FARP2: variants seen among roughly 807,000 people sequenced by gnomAD.
FARP2 encodes FERM, ARHGEF and pleckstrin domain-containing protein 2.
Under a neutral mutation model 130.5 loss-of-function variants are expected in FARP2, and 111 were observed. The observed-to-expected ratio is 0.85, with a 90% CI of 0.73 to 1.00. The LOEUF is 1.00. Among genes scored for constraint, FARP2 ranks in the 50% least tolerant of loss-of-function variants. The probability of loss-of-function intolerance (pLI) is 0.00; values close to 1 mark genes in which losing one functional copy is unlikely to be tolerated. For missense variants in FARP2, 1,385 were observed against 1,346.3 expected (o/e 1.03, Z -0.45); for synonymous variants, 504 against 516.9 (o/e 0.98, Z 0.34).
At chr2:241,441,762 C>A (rs1167679727) in intron 13 of FARP2, 3 of 720,154 alleles carry the variant, frequency 4.2e-6, no homozygotes, top group African/African-American at 3.6e-5. Flanking sequence ...GTGGGGGGGC[C>A]CCTGCTTTCA....
At position 241,456,867 on chromosome 2, in the gene FARP2, C is replaced by T; in HGVS notation, c.1532C>T (p.Pro511Leu). Reference protein sequence around the residue: ...AEQGSSPLLSPVLSDAGGAGM... With the variant: ...AEQGSSPLLSLVLSDAGGAGM... ...CAGGGCTCATCCCCACTCCTGAGCC[C>T]TGTCCTCAGTGATGCTGGCGGAGCC... Residue 511 changes from proline to leucine, a missense_variant, in exon 14 of 27, where the codon CCT (proline) becomes CTT (leucine). Transcript: ENST00000264042. 1 of 1,613,254 alleles carries T rather than the reference C, an allele frequency of 6.2e-7. No homozygotes were observed. Among genetic ancestry groups the T allele is most frequent in the Non-Finnish European group, 8.5e-7 (1 of 1,179,662 alleles).
At chr2:241,368,720 C>G (rs1201082318) in intron 1 of FARP2, among the ~76,000 whole-genome samples, 2 of 152,094 alleles carry the variant, frequency 1.3e-5, no homozygotes, top group East Asian at 1.9e-4. Context: ...GATCCTCCCA[C>G]CTCAGTCTCC....
chr2:241,462,644 T>C lies in FARP2; in HGVS notation c.1677+32T>C, dbSNP rs564892112. On this transcript the variant is annotated intron_variant, in intron 15 of 26. Coordinates refer to ENST00000264042, the MANE Select transcript of FARP2 (RefSeq NM_014808.4). ...AAGTCCTTGATTACTTTGATTTTTT[T>C]TTAAAATAAATCTCTCATCTGAACA... is the stretch of plus-strand genomic sequence containing the variant. The C allele has an allele frequency of 2.8e-6, 4 of 1,413,354 alleles. No individual in the cohort carries two copies. The South Asian group carries it at 4.6e-5, about 16-fold the overall frequency. The allele number at this position is 1,413,354 out of a possible 1,614,324, so 87.6% of individuals were successfully genotyped here. A position where few individuals can be genotyped will look rare whatever the true frequency, so the allele number is the denominator to read the frequency against.
intron 1 of FARP2, among the ~76,000 whole-genome samples, chr2:241,362,369 T>A (rs2061207510): frequency 6.6e-6 from 1 of 152,016 alleles, no homozygotes; most frequent in South Asian, 2.1e-4. Context: ...TCTGGGAGGC[T>A]GAGGTGGGCA....
intron 2 of FARP2, among the ~76,000 whole-genome samples, chr2:241,384,160 T>C (rs1249474155): frequency 1.3e-5 from 2 of 151,922 alleles, no homozygotes; most frequent in East Asian, 3.9e-4. Context: ...TAAACTGTCA[T>C]CAGTCTTCGA....
intron 18 of FARP2, among the ~76,000 whole-genome samples, chr2:241,472,999 G>A (rs1010509959): frequency 1.3e-5 from 2 of 151,700 alleles, no homozygotes; most frequent in Admixed American, 6.6e-5. Flanking sequence ...CTGTTCTGAG[G>A]GGGCTGCTGC....
rs1157990006 is a variant in FARP2, at chr2:241,490,058, A to G, written c.2504+14A>G. 1.3e-6 allele frequency: 2 copies of G among 1,599,964 alleles called. No individual in the cohort carries two copies. The highest frequency in any genetic ancestry group is 4.5e-5 in the East Asian group (2 of 44,804). On this transcript the variant is annotated intron_variant, in intron 22 of 26. Transcript: ENST00000264042. ...GGTGGCAGCCAGGTAAGGGTCTTCC[A>G]TGTCTCCATCCTGAGCAGCCCTGGA...
rs192081293 is a variant in FARP2 at position 241,431,846 on chromosome 2, G to C, written c.867+72G>C. On this transcript the variant is annotated intron_variant, in intron 9 of 26. Coordinates refer to ENST00000264042, the MANE Select transcript of FARP2 (RefSeq NM_014808.4). ...TATTTATTTATTTTTTTGAGACGGA[G>C]TTTCGCTCTTGTTGCCCAGGCTGGA... 2,156 of 483,272 alleles carry C rather than the reference G, an allele frequency of 4.5e-3. 9 individuals carry two copies. The highest frequency in any genetic ancestry group is 5.9e-3 in the Non-Finnish European group (1,916 of 327,080). The allele number at this position is 483,272 out of a possible 1,614,324, so 29.9% of individuals were successfully genotyped here. A position where few individuals can be genotyped will look rare whatever the true frequency, so the allele number is the denominator to read the frequency against.
chr2:241,483,388 C>T (rs1355807130), intron 19 of FARP2, 77 bp from the exon 20 acceptor site: 12 of 1,259,336 alleles, frequency 9.5e-6, no homozygotes, highest in Middle Eastern at 2.1e-4. Context: ...CAAGGCTATT[C>T]CTGACCCTCA....
At chr2:241,410,629 A>G (rs2062492217) in intron 5 of FARP2, among the ~76,000 whole-genome samples, 1 of 151,914 alleles carries the variant, frequency 6.6e-6, no homozygotes, top group African/African-American at 2.4e-5. Context: ...AGGGTTTCAC[A>G]GTGTTGGTCA....
chr2:241,405,488 C>T (rs747961349), intron 4 of FARP2: 2 of 152,076 alleles, frequency 1.3e-5, no homozygotes, highest in Non-Finnish European at 2.9e-5. Flanking sequence ...TTTTGTATTA[C>T]TATTATAAAT....
chr2:241,460,423 G>C (rs912959828), intron 14 of FARP2, among the ~76,000 whole-genome samples: 3 of 151,946 alleles, frequency 2.0e-5, no homozygotes, highest in Admixed American at 6.6e-5. Context: ...TGGGATTACA[G>C]GTGTGACCAC....
intron 14 of FARP2, among the ~76,000 whole-genome samples, chr2:241,460,846 A>G (rs557952086): frequency 9.9e-5 from 15 of 152,230 alleles, no homozygotes; most frequent in African/African-American, 2.9e-4. Flanking sequence ...GAGCTGAGAG[A>G]ACAGCAGTGG....
chr2:241,493,469 G>C, intron 26 of FARP2, 25 bp downstream of exon 26: 1 of 1,609,472 alleles, frequency 6.2e-7, no homozygotes, highest in Non-Finnish European at 8.5e-7. Flanking sequence ...GGCAGCCCTG[G>C]TCAGCTGCCC....
rs776818417 is a variant in FARP2, at chr2:241,493,421, T to C, written c.3024T>C (p.Ala1008=). 3.1e-6 allele frequency: 5 copies of C among 1,613,786 alleles called. No homozygotes were observed. In the Admixed American group the frequency reaches 8.3e-5, roughly 27 times the overall value. The change falls in exon 26 of 27, where the codon GCT becomes GCC. Residue 1008 remains alanine, a synonymous_variant. Coordinates refer to ENST00000264042, the MANE Select transcript of FARP2 (RefSeq NM_014808.4). ...QFKSHVYFFR[A]ESKYTFERWM... The stretch of plus-strand genomic sequence containing the variant: ...AATCCCACGTCTACTTCTTCCGGGC[T>C]GAGAGCAAGTACACATTTGAAAGGT...
At chr2:241,374,862 A>T (rs1317050229) in intron 2 of FARP2, among the ~76,000 whole-genome samples, 1 of 152,236 alleles carries the variant, frequency 6.6e-6, no homozygotes, top group African/African-American at 2.4e-5. Flanking sequence ...AACCCTGAAG[A>T]GTAGCAGTCG....
intron 17 of FARP2, chr2:241,466,381 C>T (rs550677926): frequency 2.0e-6 from 2 of 985,318 alleles, no homozygotes; most frequent in Non-Finnish European, 2.4e-6. Flanking sequence ...AAGCCATGAC[C>T]AGGTGCAGGT....
chr2:241,444,432 C>T (rs1175232942), intron 13 of FARP2: 1 of 150,846 alleles, frequency 6.6e-6, no homozygotes, highest in Non-Finnish European at 1.5e-5. Flanking sequence ...TTACTGTTGC[C>T]TGACGACGGT....
chr2:241,463,475 C>T lies in FARP2; in HGVS notation c.1811+7C>T, dbSNP rs756325348. On this transcript the variant is annotated splice_region_variant and intron_variant, in intron 16 of 26. Transcript: ENST00000264042. ...AGCAGAGGCTGGCACTCTGGTAACA[C>T]CCCTTCAGCCCCCACACGGGAGACT... 4 of 1,612,318 alleles carry T rather than the reference C, an allele frequency of 2.5e-6. No individual in the cohort carries two copies. In the African/African-American group the frequency reaches 5.3e-5, roughly 21 times the overall value.
Sources: allele counts gnomAD v4.1 joint callset (sites outside exome capture counted in the v4.1 genomes callset), GRCh38; gene constraint gnomAD v4.1.1; transcripts MANE v1.5; gene names NCBI Gene and HGNC (gene_info 2026-07-23, HGNC 2026-07-21).